PLCD1: variants seen among roughly 807,000 people sequenced by gnomAD.
PLCD1 encodes the protein 1-phosphatidylinositol 4,5-bisphosphate phosphodiesterase delta-1.
A neutral mutation model predicts 87.4 loss-of-function variants in PLCD1; 71 were observed. The ratio of observed to expected loss-of-function variants is 0.81; its 90% CI spans 0.67 to 0.99. The LOEUF (loss-of-function observed/expected upper bound fraction) is 0.99. Ranked by LOEUF, PLCD1 falls within the 50% of genes least tolerant of loss-of-function variation. The pLI is 0.00. For synonymous variants in PLCD1, 348 were observed against 399.2 expected (o/e 0.87, Z 1.53); for missense variants, 867 against 1,001.5 (o/e 0.87, Z 1.81).
In PLCD1 at chr3:38,010,443, G is replaced by T. The variant is rs1700053648; in HGVS notation, c.910C>A (p.His304Asn). The T allele has an allele frequency of 2.5e-6, 4 of 1,614,118 alleles. No individual in the cohort carries two copies. The highest frequency in any genetic ancestry group is 1.6e-4 in the Middle Eastern group (1 of 6,084). The change falls in exon 6 of 15, where the codon CAC becomes AAC. Residue 304 changes from histidine (H) to asparagine (N), a missense_variant. Coordinates refer to ENST00000334661, the MANE Select transcript of PLCD1 (RefSeq NM_006225.4). The part of the protein sequence containing the change: ...VYQDMGQPLS[H>N]YLVSSSHNTY... ...TTGTGTGAAGAGGACACCAGGTAGT[G>T]GCTAAGTGGCTGGCCCATGTCCTGG...
chr3:38,024,851 T>A, intron 1 of PLCD1: 1 of 630,050 alleles, frequency 1.6e-6, no homozygotes, highest in Non-Finnish European at 2.3e-6. Flanking sequence ...GGGGTGGGAC[T>A]AACGACCCCT....
Position 38,009,599 on chromosome 3 carries a change from G to A in PLCD1, c.1446+54C>T, listed in dbSNP as rs1700033871. 2.5e-6 allele frequency: 4 copies of A among 1,604,280 alleles called. No individual in the cohort carries two copies. The African/African-American group carries it at 5.4e-5, about 21-fold the overall frequency. On this transcript the variant is annotated intron_variant, in intron 9 of 14. Coordinates refer to ENST00000334661, the MANE Select transcript of PLCD1 (RefSeq NM_006225.4). Reference sequence around the variant, plus strand: ...ACTGAGACAAGGCAGACCTCCCACGGGTGAGGGGATGGGGAAGGCCCGGGC... The same window carrying A: ...ACTGAGACAAGGCAGACCTCCCACGAGTGAGGGGATGGGGAAGGCCCGGGC...
In PLCD1 at chr3:38,008,656, G is replaced by T. The variant is rs1252990680; in HGVS notation, c.1724-20C>A. 1 of 1,612,258 alleles carries T rather than the reference G, an allele frequency of 6.2e-7. No individual in the cohort carries two copies. The highest frequency in any genetic ancestry group is 1.7e-5 in the Admixed American group (1 of 60,010). ...GGGCCACTACAGGCAGGACAGAGCA[G>T]TCACAGGCTGTGGGCTGGCCCTGGG... On this transcript the variant is annotated intron_variant, in intron 11 of 14. Coordinates refer to ENST00000334661, the MANE Select transcript of PLCD1 (RefSeq NM_006225.4).
In PLCD1 at chr3:38,010,344, G is replaced by A; in HGVS notation, c.992+17C>T. 6.2e-7 allele frequency: 1 copy of A among 1,614,194 alleles called. No individual in the cohort carries two copies. The highest frequency in any genetic ancestry group is 1.1e-5 in the South Asian group (1 of 91,084). Reference sequence around the variant, plus strand: ...GGTCCCACCCAGACTCCCGACCCAAGGCTCCCTGAGCAGCACCGGATGTAG... The same window carrying A: ...GGTCCCACCCAGACTCCCGACCCAAAGCTCCCTGAGCAGCACCGGATGTAG... On this transcript the variant is annotated intron_variant, in intron 6 of 14. Transcript: ENST00000334661.
rs1363813380 is a variant in PLCD1 at position 38,008,601 on chromosome 3, C to A, written c.1759G>T (p.Asp587Tyr). 6.2e-7 allele frequency: 1 copy of A among 1,614,100 alleles called. No homozygotes were observed. Among genetic ancestry groups the A allele is most frequent in the Non-Finnish European group, 8.5e-7 (1 of 1,180,034 alleles). The change falls in exon 12 of 15, where the codon GAC becomes TAC. Residue 587 changes from aspartate to tyrosine, a missense_variant. Transcript: ENST00000334661. ...LNFQTPGPEM[D>Y]VYQGRFQDNG... ...TCCTGGAAGCGGCCCTGGTACACGT[C>A]CATCTCTGGCCCAGGTGTCTGGAAA...
rs1032568947 is a variant in PLCD1, at chr3:38,028,228, G to C, written c.34+1278C>G. ...CTTCTTGCTAGTCTGGCAGGCGCAC[G>C]AAAGACACCTCTGGCCTGAAGAAAG... On this transcript the variant is annotated intron_variant, in intron 1 of 14. Coordinates refer to ENST00000334661, the MANE Select transcript of PLCD1 (RefSeq NM_006225.4). 3.9e-5 allele frequency among the ~76,000 whole-genome samples: 6 copies of C among 152,332 alleles called. 1 individual carries two copies. In the South Asian group the frequency reaches 1.0e-3, roughly 26 times the overall value.
chr3:38,010,010 G>A lies in PLCD1; in HGVS notation c.1181C>T (p.Thr394Ile). 6.2e-7 allele frequency: 1 copy of A among 1,614,174 alleles called. No homozygotes were observed. Among genetic ancestry groups the A allele is most frequent in the Non-Finnish European group, 8.5e-7 (1 of 1,179,994 alleles). ...PVILSLENHC[T>I]LEQQRVMARH... is the part of the protein sequence containing the mutation. ...CGCCATCACGCGCTGCTGCTCCAGT[G>A]TGCAGTGGTTCTCCAGGGATAGGAT... The change falls in exon 8 of 15, where the codon ACA becomes ATA. Residue 394 changes from threonine (T) to isoleucine (I), a missense_variant. Thr to Ile is a moderately conservative substitution (Grantham distance 89). Transcript: ENST00000334661.
intron 1 of PLCD1, among the ~76,000 whole-genome samples, chr3:38,028,974 G>A (rs538635853): frequency 1.6e-4 from 24 of 152,376 alleles, no homozygotes; most frequent in Middle Eastern, 6.8e-3. Flanking sequence ...TTCTGCGCTG[G>A]GCAGTTAAGG....
Position 38,007,876 on chromosome 3 carries a change from A to T in PLCD1, c.2186-18T>A. On this transcript the variant is annotated intron_variant, in intron 14 of 14. Coordinates refer to ENST00000334661, the MANE Select transcript of PLCD1 (RefSeq NM_006225.4). The stretch of plus-strand genomic sequence containing the variant: ...GCGGTATCCTGGTGGGTGGACAGGC[A>T]GGAGGGAACACAGAGAGAGTTCTGG... 6.2e-7 allele frequency: 1 copy of T among 1,612,258 alleles called. No individual in the cohort carries two copies. Among genetic ancestry groups the T allele is most frequent in the South Asian group, 1.1e-5 (1 of 91,054 alleles).
chr3:38,013,088 C>T (rs997863606), intron 3 of PLCD1, among the ~76,000 whole-genome samples: 2 of 151,722 alleles, frequency 1.3e-5, no homozygotes, highest in Non-Finnish European at 2.9e-5. Flanking sequence ...TGGGGTTTTG[C>T]CACGTTGCCC....
At chr3:38,026,154 T>A (rs771082712) in intron 1 of PLCD1, among the ~76,000 whole-genome samples, 1 of 152,194 alleles carries the variant, frequency 6.6e-6, no homozygotes, top group Non-Finnish European at 1.5e-5. Flanking sequence ...CTCAAGAACC[T>A]GTAGATAGAA....
At chr3:38,008,959 T>C in intron 11 of PLCD1, 83 bp downstream of exon 11, 4 of 1,124,540 alleles carry the variant, frequency 3.6e-6, no homozygotes, top group Non-Finnish European at 5.4e-6. Flanking sequence ...AGAGCTCCAC[T>C]GCATGGCCTT....
chr3:38,027,792 T>G (rs1025991078), intron 1 of PLCD1, among the ~76,000 whole-genome samples: 2 of 152,096 alleles, frequency 1.3e-5, no homozygotes, highest in Non-Finnish European at 2.9e-5. Flanking sequence ...CACCAACAAT[T>G]CTCCTTGACA....
Position 38,009,041 on chromosome 3 carries a change from C to A in PLCD1, c.1723+1G>T, listed in dbSNP as rs4679014. 1 of 1,608,196 alleles carries A rather than the reference C, an allele frequency of 6.2e-7. No homozygotes were observed. The highest frequency in any genetic ancestry group is 1.1e-5 in the South Asian group (1 of 90,906). ...CTCCTCCAGCCCCAGCCAGCCCATA[C>A]CGATCTGGCAGCCCCCATTCCACAT... On this transcript the variant is annotated splice_donor_variant, in intron 11 of 14. Coordinates refer to ENST00000334661, the MANE Select transcript of PLCD1 (RefSeq NM_006225.4). LOFTEE classifies it high-confidence loss of function.
Position 38,008,019 on chromosome 3 carries a change from T to C in PLCD1, c.2180A>G (p.Lys727Arg), listed in dbSNP as rs373932932. The change falls in exon 14 of 15, where the codon AAG (lysine) becomes AGG (arginine). Residue 727 changes from lysine (K) to arginine (R), a missense_variant. By Grantham distance (26) the Lys-to-Arg change is conservative. Coordinates refer to ENST00000334661, the MANE Select transcript of PLCD1 (RefSeq NM_006225.4). The stretch of plus-strand genomic sequence containing the variant: ...CCCCTTCTCTTGACACTCACCTTGC[T>C]TGAGGCTGTTCAAGGGGATGGTACT... ...GQSTIPLNSL[K>R]QGYRHVHLMS... is the part of the protein sequence containing the mutation. 78 of 1,614,116 alleles carry C rather than the reference T, an allele frequency of 4.8e-5. No homozygotes were observed. Among genetic ancestry groups the C allele is most frequent in the Non-Finnish European group, 6.4e-5 (76 of 1,180,056 alleles).
At position 38,010,184 on chromosome 3, in the gene PLCD1, A is replaced by C. The variant is rs1385831942; in HGVS notation, c.1084T>G (p.Ser362Ala). 2.5e-6 allele frequency: 4 copies of C among 1,614,096 alleles called. No individual in the cohort carries two copies. In the African/African-American group the frequency reaches 4.0e-5, roughly 16 times the overall value. Reference sequence around the variant, plus strand: ...AGCACATCGCAGAAGAGGATCTTGGAAGTGAAAGTATAGCCGTGGTAGATG... The same window carrying C: ...AGCACATCGCAGAAGAGGATCTTGGCAGTGAAAGTATAGCCGTGGTAGATG... ...PIIYHGYTFT[S>A]KILFCDVLRA... The change falls in exon 7 of 15, where the codon TCC (serine) becomes GCC (alanine). Residue 362 changes from serine to alanine, a missense_variant. Coordinates refer to ENST00000334661, the MANE Select transcript of PLCD1 (RefSeq NM_006225.4).
At chr3:38,024,012 A>T (rs1700270910) in intron 1 of PLCD1, 1 of 325,578 alleles carries the variant, frequency 3.1e-6, no homozygotes, top group African/African-American at 2.2e-5. Context: ...CTTGCAGATC[A>T]CCTCATTGGT....
Position 38,017,666 on chromosome 3 carries a change from T to A in PLCD1, c.200-947A>T, listed in dbSNP as rs1700178273. 6.6e-6 allele frequency among the ~76,000 whole-genome samples: 1 copy of A among 152,144 alleles called. No homozygotes were observed. Among genetic ancestry groups the A allele is most frequent in the Admixed American group, 6.5e-5 (1 of 15,282 alleles). On this transcript the variant is annotated intron_variant, in intron 2 of 14. Transcript: ENST00000334661. This position sits in a 1 kb window ranked among gnomAD's most constrained non-coding sequence, Gnocchi z 4.7. The stretch of plus-strand genomic sequence containing the variant: ...CAGGATCCAGGCTCTGCCCCTGCCA[T>A]ACCTCCATCCTGAGCCATCCTCATC...
chr3:38,017,492 G>C lies in PLCD1; in HGVS notation c.200-773C>G, dbSNP rs932414066. 6.6e-6 allele frequency among the ~76,000 whole-genome samples: 1 copy of C among 152,166 alleles called. No individual in the cohort carries two copies. The highest frequency in any genetic ancestry group is 1.5e-5 in the Non-Finnish European group (1 of 68,004). Reference sequence around the variant, plus strand: ...GAGATTACATCATTCTGCCCTTAGGGGAGCCAAGGGGAGGGCCCTCCCCTC... The same window carrying C: ...GAGATTACATCATTCTGCCCTTAGGCGAGCCAAGGGGAGGGCCCTCCCCTC... On this transcript the variant is annotated intron_variant, in intron 2 of 14. Coordinates refer to ENST00000334661, the MANE Select transcript of PLCD1 (RefSeq NM_006225.4). This position sits in a 1 kb window ranked among gnomAD's most constrained non-coding sequence, Gnocchi z 4.7.
Sources: gnomAD v4.1 joint callset for allele counts (sites outside exome capture counted in the v4.1 genomes callset) on GRCh38, gnomAD v4.1.1 for gene constraint, Gnocchi (gnomAD v3.1) non-coding constraint, MANE v1.5 for transcripts, NCBI Gene and HGNC (gene_info 2026-07-23, HGNC 2026-07-21) for gene names.